The following PDCD11 variants were observed in gnomAD, a reference collection of about 807,000 sequenced individuals.
The protein encoded by PDCD11 is protein RRP5 homolog.
A neutral mutation model predicts 198.9 loss-of-function variants in PDCD11; 97 were observed. That is an observed-to-expected ratio of 0.49 (90% CI 0.41 to 0.58). PDCD11 has a LOEUF of 0.58. PDCD11 is among the 20% of genes least tolerant of loss of function. The pLI is 0.00. For missense variants in PDCD11, 2,102 were observed against 2,312.7 expected, an observed-to-expected ratio of 0.91 and a Z score of 1.87; for synonymous variants, 893 against 918.0, an observed-to-expected ratio of 0.97 and a Z score of 0.49.
At chr10:103,413,459 A>C in intron 9 of PDCD11, 137 bp downstream of exon 9, 2 of 677,650 alleles carry the variant, frequency 3.0e-6, no homozygotes, top group South Asian at 1.9e-5. Context: ...TCCTGTTCAT[A>C]GTGATTAGAA....
In PDCD11 at chr10:103,419,713, G is replaced by T. The variant is rs1172072368; in HGVS notation, c.2277+5G>T. The T allele has an allele frequency of 5.0e-6, 8 of 1,613,598 alleles. No homozygotes were observed. The South Asian group carries it at 8.8e-5, about 18-fold the overall frequency. ...AGCGGACTGGCCCCAAAAGCTGTAA[G>T]TTCAACTCCATGTACAAGGGCTTTG... is the stretch of plus-strand genomic sequence containing the variant. On this transcript the variant is annotated splice_donor_5th_base_variant and intron_variant, in intron 16 of 35. Coordinates refer to ENST00000369797, the MANE Select transcript of PDCD11 (RefSeq NM_014976.2).
At chr10:103,440,261 C>CT (rs1564778007) in intron 28 of PDCD11, 29 bp from the exon 29 acceptor site, 1 of 1,587,900 alleles carries the variant, frequency 6.3e-7, no homozygotes, top group Non-Finnish European at 8.6e-7. Flanking sequence ...TTTATGATGT[C>CT]TTTACCTCCC....
intron 27 of PDCD11, 51 bp downstream of exon 27, chr10:103,438,859 T>C (rs560227689): frequency 1.2e-6 from 2 of 1,603,942 alleles, no homozygotes; most frequent in Non-Finnish European, 8.5e-7. Context: ...CCTGAGCCTG[T>C]GTTGCTCTGG....
In PDCD11 at chr10:103,416,751, TC is replaced by T. The variant is rs767436853; in HGVS notation, c.1770+13del. On this transcript the variant is annotated intron_variant, in intron 13 of 35. Transcript: ENST00000369797. ...TTTTTTACACTGGCCAGGTAACCCTTCCCCTAGACAGGTCCCCTTTACCCTT... is the reference window on the plus strand; with the variant it reads ...TTTTTTACACTGGCCAGGTAACCCTTCCCTAGACAGGTCCCCTTTACCCTT... The T allele has an allele frequency of 3.5e-5, 56 of 1,611,060 alleles. 1 individual carries two copies. In the Admixed American group the frequency reaches 3.5e-4, roughly 10 times the overall value.
intron 2 of PDCD11, chr10:103,399,809 T>C (rs1021958462): frequency 5.3e-5 from 8 of 152,176 alleles, no homozygotes; most frequent in African/African-American, 1.9e-4. Flanking sequence ...TGTATCAGCC[T>C]CCCGAGTACC....
In PDCD11 at chr10:103,406,027, C is replaced by T; in HGVS notation, c.607C>T (p.Leu203=). ...ATCCAGCCTGGAAGACCATGGCTAC[C>T]TAGTGGACATTGGTGTTGATGGGAC... is the stretch of plus-strand genomic sequence containing the variant. ...TVSSLEDHGY[L]VDIGVDGTRA... is the part of the protein sequence containing the mutation. The change falls in exon 6 of 36, where the codon CTA becomes TTA. Residue 203 remains leucine, a synonymous_variant. Coordinates refer to ENST00000369797, the MANE Select transcript of PDCD11 (RefSeq NM_014976.2). 6.2e-7 allele frequency: 1 copy of T among 1,614,072 alleles called. No individual in the cohort carries two copies. The highest frequency in any genetic ancestry group is 8.5e-7 in the Non-Finnish European group (1 of 1,179,948).
At position 103,419,661 on chromosome 10, in the gene PDCD11, G is replaced by A. The variant is rs149539197; in HGVS notation, c.2230G>A (p.Val744Met). 1.8e-4 allele frequency: 285 copies of A among 1,614,094 alleles called. No individual in the cohort carries two copies. Among genetic ancestry groups the A allele is most frequent in the Non-Finnish European group, 2.1e-4 (252 of 1,179,996 alleles). The change falls in exon 16 of 36, where the codon GTG becomes ATG. Residue 744 changes from valine (V) to methionine (M), a missense_variant. Transcript: ENST00000369797. ...GFVKSIKDYGVFIQFPSGLSG... is the reference protein window; with the variant it reads ...GFVKSIKDYGMFIQFPSGLSG... ...TGTGAAGAGCATCAAGGACTATGGC[G>A]TGTTCATCCAGTTCCCCTCAGGTCT...
chr10:103,417,823 C>T lies in PDCD11; in HGVS notation c.1802C>T (p.Pro601Leu), dbSNP rs2133704207. 2 of 1,614,082 alleles carry T rather than the reference C, an allele frequency of 1.2e-6. No homozygotes were observed. The highest frequency in any genetic ancestry group is 8.5e-7 in the Non-Finnish European group (1 of 1,180,000). ...VVKVVVLNCE[P>L]SKERMLLSFK... ...AAGGTTGTCGTATTGAACTGTGAGCCATCCAAAGAGAGGATGCTCTTATCC... is the reference window on the plus strand; with the variant it reads ...AAGGTTGTCGTATTGAACTGTGAGCTATCCAAAGAGAGGATGCTCTTATCC... The change falls in exon 14 of 36, where the codon CCA becomes CTA. Residue 601 changes from proline (P) to leucine (L), a missense_variant. Transcript: ENST00000369797.
intron 22 of PDCD11, 46 bp from the exon 23 acceptor site, chr10:103,433,902 C>T: frequency 7.1e-7 from 1 of 1,414,470 alleles, no homozygotes. Context: ...TGGCGGGAAA[C>T]CTTGTATTTG....
chr10:103,419,961 T>G (rs961046326), intron 16 of PDCD11, among the ~76,000 whole-genome samples: 2 of 147,958 alleles, frequency 1.4e-5, no homozygotes, highest in Non-Finnish European at 3.0e-5. Flanking sequence ...GGCTTTTTTT[T>G]TTTTTTTTTT....
chr10:103,409,949 A>C (rs1239108963), intron 8 of PDCD11, 143 bp downstream of exon 8: 1 of 648,724 alleles, frequency 1.5e-6, no homozygotes, highest in African/African-American at 1.8e-5. Flanking sequence ...GAAAAGTGTT[A>C]TGGAGGCCAG....
At chr10:103,417,724 A>C in intron 13 of PDCD11, 68 bp from the exon 14 acceptor site, 1 of 1,545,324 alleles carries the variant, frequency 6.5e-7, no homozygotes, top group South Asian at 1.2e-5. Flanking sequence ...GCAGTAGTGG[A>C]GGGCACGTTG....
intron 10 of PDCD11, 68 bp downstream of exon 10, chr10:103,414,158 C>T (rs556542917): frequency 6.3e-7 from 1 of 1,583,920 alleles, no homozygotes; most frequent in East Asian, 2.2e-5. Flanking sequence ...TCCATTTCTC[C>T]TGGCTGTGCT....
chr10:103,416,687 A>G lies in PDCD11; in HGVS notation c.1715A>G (p.His572Arg), dbSNP rs113864359. The change falls in exon 13 of 36, where the codon CAT (histidine) becomes CGT (arginine). Residue 572 changes from histidine (H) to arginine (R), a missense_variant. Coordinates refer to ENST00000369797, the MANE Select transcript of PDCD11 (RefSeq NM_014976.2). ...YNNVQGLVPK[H>R]ELSTEYIPDP... ...AATGTGCAGGGACTGGTGCCCAAGC[A>G]TGAGCTCAGTACTGAGTATATCCCT... The G allele has an allele frequency of 3.7e-6, 6 of 1,614,258 alleles. No homozygotes were observed. Among genetic ancestry groups the G allele is most frequent in the African/African-American group, 1.3e-5 (1 of 75,070 alleles).
chr10:103,407,378 A>G (rs35499499), intron 7 of PDCD11, among the ~76,000 whole-genome samples: 8,877 of 152,116 alleles, frequency 0.058, 366 homozygotes, highest in Non-Finnish European at 0.088. Flanking sequence ...CTTGGCTAAC[A>G]CGGTGAAACC....
chr10:103,398,288 T>C, intron 1 of PDCD11, 128 bp from the exon 2 acceptor site: 1 of 637,236 alleles, frequency 1.6e-6, no homozygotes. Flanking sequence ...ATCTAAACCA[T>C]CTATGTTGTA....
Position 103,403,245 on chromosome 10 carries a change from A to G in PDCD11, c.362A>G (p.Lys121Arg), listed in dbSNP as rs1336841740. 6.2e-7 allele frequency: 1 copy of G among 1,614,226 alleles called. No homozygotes were observed. The highest frequency in any genetic ancestry group is 1.7e-5 in the Admixed American group (1 of 60,016). ...ACTGAAATCTGTGATGCCTACACCA[A>G]AAAGCTGAATGAGCAGGTGACACAA... ...QVTEICDAYTKKLNEQVTQEQ... is the reference protein window; with the variant it reads ...QVTEICDAYTRKLNEQVTQEQ... The change falls in exon 4 of 36, where the codon AAA (lysine) becomes AGA (arginine). Residue 121 changes from lysine to arginine, a missense_variant. Transcript: ENST00000369797.
Position 103,425,413 on chromosome 10 carries a change from G to T in PDCD11, c.3193G>T (p.Ala1065Ser). The T allele has an allele frequency of 6.2e-7, 1 of 1,614,098 alleles. No homozygotes were observed. Among genetic ancestry groups the T allele is most frequent in the Non-Finnish European group, 8.5e-7 (1 of 1,180,014 alleles). Residue 1065 changes from alanine to serine, a missense_variant, in exon 20 of 36, where the codon GCC becomes TCC. Transcript: ENST00000369797. ...AGATGGCATTATTGGCTGTATCCAT[G>T]CCTCCCACATTCTAGATGATGTTCC... ...LEDGIIGCIH[A>S]SHILDDVPEG...
In PDCD11 at chr10:103,434,956, G is replaced by A. The variant is rs770426601; in HGVS notation, c.3826G>A (p.Val1276Ile). ...SYSETPLEDF[V>I]PQKVVRCYIL... The stretch of plus-strand genomic sequence containing the variant: ...CTCCGAGACGCCCCTGGAAGACTTC[G>A]TCCCCCAGAAGGTTGTCAGGTAAGC... The change falls in exon 25 of 36, where the codon GTC becomes ATC. Residue 1276 changes from valine to isoleucine, a missense_variant. Coordinates refer to ENST00000369797, the MANE Select transcript of PDCD11 (RefSeq NM_014976.2). 7.9e-5 allele frequency: 124 copies of A among 1,574,508 alleles called. No homozygotes were observed. Among genetic ancestry groups the A allele is most frequent in the Admixed American group, 2.7e-4 (15 of 55,692 alleles).
Sources: allele counts gnomAD v4.1 joint callset (sites outside exome capture counted in the v4.1 genomes callset), GRCh38; gene constraint gnomAD v4.1.1; transcripts MANE v1.5; gene names NCBI Gene and HGNC (gene_info 2026-07-23, HGNC 2026-07-21).